The following NSG2 variants were observed in gnomAD, a reference collection of about 807,000 sequenced individuals.
The protein encoded by NSG2 is neuronal vesicle trafficking-associated protein 2.
NSG2 carries 4 observed loss-of-function variants against 16.9 expected under a neutral mutation model. That is an observed-to-expected ratio of 0.24 (90% confidence interval 0.12 to 0.54). The LOEUF is 0.54. Ranked by LOEUF, NSG2 falls within the 20% of genes least tolerant of loss-of-function variation. The pLI is 0.95. For synonymous variants in NSG2, 98 were observed against 88.7 expected, an observed-to-expected ratio of 1.11 and a Z score of -0.59; for missense variants, 179 against 221.1, an observed-to-expected ratio of 0.81 and a Z score of 1.21.
chr5:174,107,192 C>A lies in NSG2; in HGVS notation c.325-122C>A. On this transcript the variant is annotated intron_variant, in intron 4 of 4. Transcript: ENST00000303177. This position sits in a 1 kb window ranked among gnomAD's most constrained non-coding sequence, Gnocchi z 4.5. ...CTGCGTGCCAGGCCCAGGTCAGGAG[C>A]TGTCACCTGCCCTCTGGCTGACAGC... The A allele has an allele frequency of 2.5e-6, 2 of 810,770 alleles. No homozygotes were observed. The highest frequency in any genetic ancestry group is 3.8e-6 in the Non-Finnish European group (2 of 524,126). The allele number at this position is 810,770 out of a possible 1,614,324, so 50.2% of individuals were successfully genotyped here.
rs567837928 is a variant in NSG2, at chr5:174,097,404, C to A, written c.214-6824C>A. Among the ~76,000 whole-genome samples, 4 of 151,584 alleles carry A rather than the reference C, an allele frequency of 2.6e-5. No homozygotes were observed. The South Asian group carries it at 8.4e-4, about 32-fold the overall frequency. On this transcript the variant is annotated intron_variant, in intron 3 of 4. Coordinates refer to ENST00000303177, the MANE Select transcript of NSG2 (RefSeq NM_015980.5). ...GCTTCCGTGCACCACTACACCTGCA[C>A]ACGGCACGGTTTGGGCCAGGTTGCC...
At chr5:174,098,734 A>T (rs549387920) in intron 3 of NSG2, among the ~76,000 whole-genome samples, 1 of 152,160 alleles carries the variant, frequency 6.6e-6, no homozygotes, top group African/African-American at 2.4e-5. Flanking sequence ...TGTGCACAGC[A>T]TCCGGCTCAC....
intron 3 of NSG2, among the ~76,000 whole-genome samples, chr5:174,090,924 C>G (rs1760711570): frequency 6.6e-6 from 1 of 152,168 alleles, no homozygotes; most frequent in Non-Finnish European, 1.5e-5. Flanking sequence ...GCAGGGGAAC[C>G]CCCACTGGAA....
intron 3 of NSG2, among the ~76,000 whole-genome samples, chr5:174,090,769 T>A (rs1177130616): frequency 6.6e-6 from 1 of 152,172 alleles, no homozygotes; most frequent in Non-Finnish European, 1.5e-5. Context: ...GGTAGCAAAT[T>A]GAGCACGGGG....
chr5:174,093,802 A>T (rs780312223), intron 3 of NSG2, among the ~76,000 whole-genome samples: 6 of 152,190 alleles, frequency 3.9e-5, no homozygotes, highest in Non-Finnish European at 8.8e-5. Flanking sequence ...TGCATTCTTC[A>T]TAAAAAAGAC....
At chr5:174,088,820 T>C (rs1190033184) in intron 3 of NSG2, among the ~76,000 whole-genome samples, 2 of 152,128 alleles carry the variant, frequency 1.3e-5, no homozygotes, top group Non-Finnish European at 2.9e-5. Flanking sequence ...CAGAAAGTGA[T>C]GGGTGGGAAT....
chr5:174,106,583 CTTTTTTTTTTTTTT>C (rs752375646), intron 4 of NSG2, among the ~76,000 whole-genome samples: 1 of 93,470 alleles, frequency 1.1e-5, no homozygotes, highest in African/African-American at 4.3e-5. Flanking sequence ...GGAATGAAGC[CTTTTTTTTTTTTTT>C]TTTTTTTTTT....
intron 4 of NSG2, among the ~76,000 whole-genome samples, chr5:174,104,732 T>C (rs865849159): frequency 2.0e-5 from 3 of 152,174 alleles, no homozygotes; most frequent in Admixed American, 6.5e-5. Context: ...GGCTGGTGCC[T>C]CTGAGGTTCT....
At chr5:174,065,843 T>A (rs931668137) in intron 3 of NSG2, among the ~76,000 whole-genome samples, 5 of 152,200 alleles carry the variant, frequency 3.3e-5, no homozygotes, top group African/African-American at 1.2e-4. Flanking sequence ...GCCTCACTTA[T>A]CAAATGGAGA....
intron 3 of NSG2, among the ~76,000 whole-genome samples, chr5:174,089,423 T>TC (rs1760687529): frequency 6.6e-6 from 1 of 152,054 alleles, no homozygotes; most frequent in African/African-American, 2.4e-5. Context: ...TATTTTTTTT[T>TC]CCATGTCTAG....
chr5:174,052,425 G>A (rs1021623411), intron 2 of NSG2, among the ~76,000 whole-genome samples: 4 of 152,112 alleles, frequency 2.6e-5, no homozygotes, highest in African/African-American at 7.2e-5. Context: ...GTGTCATCTC[G>A]GTAGCCTTAG....
chr5:174,071,179 G>T (rs986672706), intron 3 of NSG2, among the ~76,000 whole-genome samples: 1 of 152,216 alleles, frequency 6.6e-6, no homozygotes, highest in Non-Finnish European at 1.5e-5. Flanking sequence ...GTGGGACCAA[G>T]AACTGGAAAT....
At chr5:174,061,644 G>A (rs772458537) in intron 2 of NSG2, among the ~76,000 whole-genome samples, 34 of 151,828 alleles carry the variant, frequency 2.2e-4, no homozygotes, top group Non-Finnish European at 4.4e-4. Flanking sequence ...TTGCTCTGTC[G>A]CCAGGCTGGA....
intron 2 of NSG2, among the ~76,000 whole-genome samples, chr5:174,060,093 G>A (rs879214529): frequency 1.3e-5 from 2 of 152,144 alleles, no homozygotes; most frequent in Non-Finnish European, 1.5e-5. Flanking sequence ...ATATCATAGC[G>A]CTTTTGGTTG....
chr5:174,098,213 G>C (rs1029249053), intron 3 of NSG2, among the ~76,000 whole-genome samples: 2 of 152,340 alleles, frequency 1.3e-5, no homozygotes, highest in East Asian at 1.9e-4. Context: ...AACTGCAGGA[G>C]CTGTCAGGGT....
intron 3 of NSG2, among the ~76,000 whole-genome samples, chr5:174,069,112 A>C (rs2113441492): frequency 7.0e-6 from 1 of 142,266 alleles, no homozygotes; most frequent in East Asian, 2.2e-4. Flanking sequence ...TGCTGATGTC[A>C]CGGTGACCCT....
At chr5:174,105,201 T>C (rs1760957105) in intron 4 of NSG2, among the ~76,000 whole-genome samples, 1 of 152,218 alleles carries the variant, frequency 6.6e-6, no homozygotes, top group African/African-American at 2.4e-5. Context: ...TTAAGAAGGT[T>C]GTCCAAGACA....
intron 3 of NSG2, among the ~76,000 whole-genome samples, chr5:174,077,787 A>C (rs1356890393): frequency 6.6e-6 from 1 of 152,186 alleles, no homozygotes; most frequent in Non-Finnish European, 1.5e-5. Flanking sequence ...TTGCGGACAG[A>C]AACTGCCCTG....
chr5:174,076,838 T>C (rs948218102), intron 3 of NSG2, among the ~76,000 whole-genome samples: 9 of 152,152 alleles, frequency 5.9e-5, no homozygotes, highest in Non-Finnish European at 1.2e-4. Flanking sequence ...CTATGATACA[T>C]AGGACAGCTC....
Sources: gnomAD v4.1 joint callset for allele counts (sites outside exome capture counted in the v4.1 genomes callset) on GRCh38, gnomAD v4.1.1 for gene constraint, Gnocchi (gnomAD v3.1) non-coding constraint, MANE v1.5 for transcripts, NCBI Gene and HGNC (gene_info 2026-07-23, HGNC 2026-07-21) for gene names.